The following SNX4 variants were observed in gnomAD, a reference collection of about 807,000 sequenced individuals.
SNX4 encodes the protein sorting nexin-4.
SNX4 carries 49 observed loss-of-function variants against 70.8 expected under a neutral mutation model. That is an observed-to-expected ratio of 0.69 (90% CI 0.55 to 0.88). The LOEUF (loss-of-function observed/expected upper bound fraction) is 0.88. Among genes scored for constraint, SNX4 ranks in the 40% least tolerant of loss-of-function variants. SNX4 has a pLI of 0.00. For missense variants in SNX4, 528 were observed against 544.8 expected, an observed-to-expected ratio of 0.97 and a Z score of 0.31; for synonymous variants, 206 against 183.8, an observed-to-expected ratio of 1.12 and a Z score of -0.98.
rs906767378 is a variant in SNX4, at chr3:125,447,068, T to A, written c.*711A>T. ...GAGGTTAAGAATTATTTGAGAAGAA[T>A]TTAATTCTTATATGTAACATATTCA... On this transcript the variant is annotated 3_prime_UTR_variant, in exon 14 of 14. Transcript: ENST00000251775. The A allele has an allele frequency of 1.3e-5, 2 of 152,620 alleles. No individual in the cohort carries two copies. Among genetic ancestry groups the A allele is most frequent in the African/African-American group, 4.8e-5 (2 of 41,456 alleles). 9.5% of individuals were successfully genotyped at this position (152,620 alleles called of 1,614,324 possible).
intron 10 of SNX4, among the ~76,000 whole-genome samples, chr3:125,460,198 C>CAAAAAAAAAA (rs57601494): frequency 1.5e-5 from 1 of 64,694 alleles, no homozygotes. Context: ...TAGTCTGTCT[C>CAAAAAAAAAA]AAAAAAAAAA....
intron 2 of SNX4, among the ~76,000 whole-genome samples, chr3:125,499,969 A>G (rs1391654520): frequency 6.6e-6 from 1 of 152,060 alleles, no homozygotes; most frequent in Non-Finnish European, 1.5e-5. Flanking sequence ...CTGAGACAGG[A>G]GAATTGCTTG....
chr3:125,509,374 A>T (rs1935118996), intron 1 of SNX4, among the ~76,000 whole-genome samples: 1 of 151,966 alleles, frequency 6.6e-6, no homozygotes, highest in African/African-American at 2.4e-5. Context: ...ATTAGAGTAA[A>T]AAGGCAACCC....
chr3:125,482,484 A>G (rs1297224105), intron 6 of SNX4, among the ~76,000 whole-genome samples: 1 of 151,978 alleles, frequency 6.6e-6, no homozygotes, highest in African/African-American at 2.4e-5. Context: ...CTCTCTGCCA[A>G]TGCCCTAAAT....
At chr3:125,515,805 T>C (rs1374425179) in intron 1 of SNX4, among the ~76,000 whole-genome samples, 1 of 151,658 alleles carries the variant, frequency 6.6e-6, no homozygotes, top group African/African-American at 2.4e-5. Flanking sequence ...CCTGGTGCTT[T>C]GGGAGGTGAA....
At chr3:125,457,156 TG>T (rs1201028134) in intron 11 of SNX4, 109 bp downstream of exon 11, 8 of 748,220 alleles carry the variant, frequency 1.1e-5, no homozygotes, top group Admixed American at 4.3e-5. Context: ...TCCTGAGTAT[TG>T]TAACTGGAAC....
chr3:125,460,128 A>C (rs1933839378), intron 10 of SNX4, among the ~76,000 whole-genome samples: 1 of 145,120 alleles, frequency 6.9e-6, no homozygotes, highest in Admixed American at 7.1e-5. Context: ...CGGGACGTGG[A>C]GGTTGCAGTG....
In SNX4 at chr3:125,506,401, T is replaced by G. The variant is rs374124377; in HGVS notation, c.142-1657A>C. Among the ~76,000 whole-genome samples the G allele has an allele frequency of 1.9e-4, 29 of 150,976 alleles. No homozygotes were observed. In the East Asian group the frequency reaches 5.0e-3, roughly 26 times the overall value. On this transcript the variant is annotated intron_variant, in intron 1 of 13. Transcript: ENST00000251775. Reference sequence around the variant, plus strand: ...TGTCACCCAGGCAGGACTGCTGTGGTGCAATCTCAATTCAGCGCAACCTCA... The same window carrying G: ...TGTCACCCAGGCAGGACTGCTGTGGGGCAATCTCAATTCAGCGCAACCTCA...
At chr3:125,456,430 G>T (rs1027301040) in intron 11 of SNX4, among the ~76,000 whole-genome samples, 6 of 152,168 alleles carry the variant, frequency 3.9e-5, no homozygotes, top group African/African-American at 1.2e-4. Context: ...GGAGGCGGAG[G>T]TGGGAGGATC....
At chr3:125,499,902 T>C (rs1424220135) in intron 2 of SNX4, among the ~76,000 whole-genome samples, 1 of 151,062 alleles carries the variant, frequency 6.6e-6, no homozygotes, top group Non-Finnish European at 1.5e-5. Flanking sequence ...CTACTAAAAA[T>C]ACAAAAAATT....
At chr3:125,483,557 C>T (rs1003154470) in intron 6 of SNX4, among the ~76,000 whole-genome samples, 5 of 152,196 alleles carry the variant, frequency 3.3e-5, no homozygotes, top group Non-Finnish European at 7.3e-5. Context: ...AAGGTCTTAA[C>T]ACCTTTGGTC....
At chr3:125,502,046 C>A (rs796112326) in intron 2 of SNX4, among the ~76,000 whole-genome samples, 4 of 152,212 alleles carry the variant, frequency 2.6e-5, no homozygotes, top group African/African-American at 9.6e-5. Flanking sequence ...GTAATCAATA[C>A]CTATGTGGGT....
chr3:125,497,706 G>T (rs1016199186), intron 4 of SNX4, 128 bp downstream of exon 4: 4 of 659,970 alleles, frequency 6.1e-6, no homozygotes, highest in Non-Finnish European at 9.7e-6. Context: ...CCATTAATTA[G>T]AAATTCATAA....
intron 9 of SNX4, 82 bp downstream of exon 9, chr3:125,469,371 TA>T: frequency 1.1e-6 from 1 of 928,808 alleles, no homozygotes; most frequent in Non-Finnish European, 1.7e-6. Flanking sequence ...GCAAACTTGA[TA>T]AAAACAGAAG....
intron 13 of SNX4, among the ~76,000 whole-genome samples, chr3:125,448,877 G>A (rs963494733): frequency 6.6e-6 from 1 of 151,304 alleles, no homozygotes; most frequent in Non-Finnish European, 1.5e-5. Context: ...AGATTTCACC[G>A]TGTGTTAGGC....
intron 1 of SNX4, among the ~76,000 whole-genome samples, chr3:125,513,916 G>A (rs976168104): frequency 7.2e-5 from 11 of 152,222 alleles, no homozygotes; most frequent in South Asian, 4.1e-4. Context: ...TCACAGTCCC[G>A]GAGGCTGGGA....
chr3:125,500,799 C>CAAAAAAA (rs770336677), intron 2 of SNX4, among the ~76,000 whole-genome samples: 8 of 29,298 alleles, frequency 2.7e-4, no homozygotes, highest in Non-Finnish European at 2.9e-4. Context: ...GACTCCGTCT[C>CAAAAAAA]AAAAAAAAAA....
At chr3:125,482,237 G>T (rs1348581225) in intron 6 of SNX4, among the ~76,000 whole-genome samples, 1 of 152,106 alleles carries the variant, frequency 6.6e-6, no homozygotes, top group African/African-American at 2.4e-5. Flanking sequence ...CTTAACTCCA[G>T]ATCTATAAAA....
intron 8 of SNX4, among the ~76,000 whole-genome samples, chr3:125,469,780 A>G (rs1160908743): frequency 6.6e-6 from 1 of 152,190 alleles, no homozygotes; most frequent in Non-Finnish European, 1.5e-5. Context: ...TATAGATTAC[A>G]TTCTCAGTTA....
Sources: allele counts gnomAD v4.1 joint callset (sites outside exome capture counted in the v4.1 genomes callset), GRCh38; gene constraint gnomAD v4.1.1; transcripts MANE v1.5; gene names NCBI Gene and HGNC (gene_info 2026-07-23, HGNC 2026-07-21).